FILIP1: variants seen among roughly 807,000 people sequenced by gnomAD.
The protein encoded by FILIP1 is filamin-A-interacting protein 1.
Under a neutral mutation model 102.1 loss-of-function variants are expected in FILIP1, and 61 were observed. The ratio of observed to expected loss-of-function variants is 0.60; its 90% CI spans 0.49 to 0.74. The LOEUF is 0.74. FILIP1 is among the 30% of genes least tolerant of loss of function. The pLI is 0.00. For missense variants in FILIP1, 1,314 were observed against 1,441.2 expected (o/e 0.91, Z 1.43); for synonymous variants, 491 against 526.9 (o/e 0.93, Z 0.93).
rs183434472 is a variant in FILIP1 at position 75,294,395 on chromosome 6, T to C, written c.*1515A>G. On this transcript the variant is annotated 3_prime_UTR_variant, in exon 7 of 7. Coordinates refer to the FILIP1 transcript ENST00000393004. Reference sequence around the variant, plus strand: ...GTCAACTCTTAATTTATCTTTAAAGTTATCTTTAAAGACCTTACTAAAAAC... The same window carrying C: ...GTCAACTCTTAATTTATCTTTAAAGCTATCTTTAAAGACCTTACTAAAAAC... The C allele has an allele frequency of 2.4e-4, 37 of 152,190 alleles. No individual in the cohort carries two copies. In the East Asian group the frequency reaches 6.0e-3, roughly 25 times the overall value. 9.4% of individuals were successfully genotyped at this position (152,190 alleles called of 1,614,324 possible). A position where few individuals can be genotyped will look rare whatever the true frequency, so the allele number is the denominator to read the frequency against.
intron 1 of FILIP1, among the ~76,000 whole-genome samples, chr6:75,432,910 G>A (rs976826390): frequency 3.3e-5 from 5 of 151,962 alleles, no homozygotes; most frequent in African/African-American, 1.2e-4. Context: ...TCCCACCTAT[G>A]AGTGAGAACA....
At chr6:75,292,609 T>C (rs1772571108) in exon 7 of FILIP1, 1 of 152,206 alleles carries the variant, frequency 6.6e-6, no homozygotes, top group Non-Finnish European at 1.5e-5. Flanking sequence ...TACAACACTT[T>C]TTTTCTCTTT....
intron 1 of FILIP1, among the ~76,000 whole-genome samples, chr6:75,446,969 T>C (rs983072127): frequency 6.6e-6 from 1 of 152,140 alleles, no homozygotes; most frequent in African/African-American, 2.4e-5. Flanking sequence ...ATAGTCAGTG[T>C]TCATTTCCTT....
intron 4 of FILIP1, among the ~76,000 whole-genome samples, chr6:75,340,861 ATTTTTTT>A (rs59666589): frequency 2.8e-4 from 26 of 94,308 alleles, no homozygotes; most frequent in Admixed American, 6.3e-4. Flanking sequence ...ATGCTCAGGA[ATTTTTTT>A]TTTTTTTTTT....
intron 1 of FILIP1, among the ~76,000 whole-genome samples, chr6:75,474,803 G>A (rs1779427266): frequency 6.6e-6 from 1 of 152,134 alleles, no homozygotes; most frequent in Non-Finnish European, 1.5e-5. Flanking sequence ...GGAGGTGACT[G>A]GATCATGGGG....
intron 2 of FILIP1, among the ~76,000 whole-genome samples, chr6:75,406,659 T>TTC (rs1381763108): frequency 1.9e-5 from 2 of 105,118 alleles, no homozygotes; most frequent in Non-Finnish European, 4.0e-5. Context: ...ATAGCAATGT[T>TTC]TCTTTTTTTT....
intron 4 of FILIP1, among the ~76,000 whole-genome samples, chr6:75,352,534 G>C (rs756021933): frequency 2.6e-5 from 4 of 152,114 alleles, no homozygotes; most frequent in Non-Finnish European, 5.9e-5. Flanking sequence ...AAACCTACAA[G>C]AATAAACATC....
chr6:75,326,124 T>TAGATAGATAG (rs1554200337), intron 4 of FILIP1, among the ~76,000 whole-genome samples: 1 of 139,614 alleles, frequency 7.2e-6, no homozygotes, highest in African/African-American at 2.6e-5. Context: ...GATAGATAGA[T>TAGATAGATAG]ATACACACAC....
intron 6 of FILIP1, among the ~76,000 whole-genome samples, chr6:75,302,264 G>A (rs1372332005): frequency 6.7e-6 from 1 of 149,872 alleles, no homozygotes; most frequent in Non-Finnish European, 1.5e-5. Context: ...GACAGTACCT[G>A]GACTTCCTGT....
intron 4 of FILIP1, among the ~76,000 whole-genome samples, chr6:75,333,885 ACT>A (rs1312275411): frequency 6.6e-6 from 1 of 152,134 alleles, no homozygotes; most frequent in Non-Finnish European, 1.5e-5. Context: ...TCCAAACTTT[ACT>A]CTCATTCCCA....
At chr6:75,410,339 T>C (rs148969491) in intron 2 of FILIP1, among the ~76,000 whole-genome samples, 1 of 152,288 alleles carries the variant, frequency 6.6e-6, no homozygotes, top group African/African-American at 2.4e-5. Flanking sequence ...GAAAGATTTT[T>C]TTTTTCTTAT....
chr6:75,414,426 T>C (rs1013809371), intron 2 of FILIP1, among the ~76,000 whole-genome samples: 38 of 152,180 alleles, frequency 2.5e-4, no homozygotes, highest in Admixed American at 9.8e-4. Flanking sequence ...CGAAAGGATC[T>C]GTATTAAATC....
At position 75,313,549 on chromosome 6, in the gene FILIP1, CTTA is replaced by C. The variant is rs757717364; in HGVS notation, c.2280_2282del (p.Asn760del). The C allele has an allele frequency of 7.4e-6, 12 of 1,614,142 alleles. No homozygotes were observed. In the South Asian group the frequency reaches 1.3e-4, roughly 18 times the overall value. On this transcript the variant is annotated inframe_deletion, in exon 5 of 6. Coordinates refer to ENST00000237172, the MANE Select transcript of FILIP1 (RefSeq NM_015687.5). The surrounding 1 kb of genome is among the most constrained non-coding windows in gnomAD (Gnocchi z 4.2). Reference sequence around the variant, plus strand: ...GAACCTCCTGCCCCATGTTTTTGTTCTTATTTTCTTCTTCCATAAATCTTTGTT... The same window carrying C: ...GAACCTCCTGCCCCATGTTTTTGTTCTTTTCTTCTTCCATAAATCTTTGTT...
chr6:75,409,053 A>G lies in FILIP1; in HGVS notation c.276+5644T>C, dbSNP rs543152445. ...AAACCTTAAATTTCTCTTACCTAAA[A>G]AGTTTCATCTTTTCACAAAATAGCT... On this transcript the variant is annotated intron_variant, in intron 2 of 5. Transcript: ENST00000237172. 2.0e-5 allele frequency among the ~76,000 whole-genome samples: 3 copies of G among 152,264 alleles called. No homozygotes were observed. In the South Asian group the frequency reaches 6.2e-4, roughly 32 times the overall value.
Position 75,400,346 on chromosome 6 carries a change from A to G in FILIP1, c.276+14351T>C, listed in dbSNP as rs146358247. ...AAGTAATTTTCAAAAAGCACCTATC[A>G]AAGTGCTTTATAGACACTGTCTATT... On this transcript the variant is annotated intron_variant, in intron 2 of 5. Transcript: ENST00000237172. Among the ~76,000 whole-genome samples, 6 of 152,326 alleles carry G rather than the reference A, an allele frequency of 3.9e-5. No individual in the cohort carries two copies. In the East Asian group the frequency reaches 7.7e-4, roughly 20 times the overall value.
In FILIP1 at chr6:75,414,810, C is replaced by T. The variant is rs775728531; in HGVS notation, c.163G>A (p.Val55Ile). The T allele has an allele frequency of 2.5e-6, 4 of 1,613,764 alleles. No homozygotes were observed. In the African/African-American group the frequency reaches 4.0e-5, roughly 16 times the overall value. The change falls in exon 2 of 6, where the codon GTC becomes ATC. Residue 55 changes from valine (V) to isoleucine (I), a missense_variant. Val to Ile is a conservative substitution (Grantham distance 29). Transcript: ENST00000237172. ...CCAGATGTTTTTAGGTGTCGTTTGACAGTTCCTGAGGCCATGACATCATCC... is the reference window on the plus strand; with the variant it reads ...CCAGATGTTTTTAGGTGTCGTTTGATAGTTCCTGAGGCCATGACATCATCC... ...KEDDVMASGT[V>I]KRHLKTSGEC...
chr6:75,464,750 A>G (rs1210072164), intron 1 of FILIP1, among the ~76,000 whole-genome samples: 1 of 152,148 alleles, frequency 6.6e-6, no homozygotes, highest in South Asian at 2.1e-4. Flanking sequence ...AACATCTCAA[A>G]CTTAACATGT....
At chr6:75,353,945 A>G (rs1184190590) in intron 3 of FILIP1, among the ~76,000 whole-genome samples, 2 of 152,160 alleles carry the variant, frequency 1.3e-5, no homozygotes, top group East Asian at 1.9e-4. Flanking sequence ...TTTTGTAAAC[A>G]TATATATGGT....
At chr6:75,423,115 A>G (rs531550411) in intron 1 of FILIP1, among the ~76,000 whole-genome samples, 2 of 152,294 alleles carry the variant, frequency 1.3e-5, no homozygotes, top group African/African-American at 4.8e-5. Flanking sequence ...TGACCAATTG[A>G]GAGCAATTAT....
Sources: gnomAD v4.1 joint callset for allele counts (sites outside exome capture counted in the v4.1 genomes callset) on GRCh38, gnomAD v4.1.1 for gene constraint, Gnocchi (gnomAD v3.1) non-coding constraint, MANE v1.5 for transcripts, NCBI Gene and HGNC (gene_info 2026-07-23, HGNC 2026-07-21) for gene names.